The following GRK5 variants were observed in gnomAD, a reference collection of about 807,000 sequenced individuals.
The protein encoded by GRK5 is G protein-coupled receptor kinase 5.
GRK5 carries 40 observed loss-of-function variants against 78.4 expected under a neutral mutation model. The observed-to-expected ratio is 0.51, with a 90% CI of 0.40 to 0.66. The LOEUF (loss-of-function observed/expected upper bound fraction) is 0.66. GRK5 is among the 30% of genes least tolerant of loss of function. The probability of loss-of-function intolerance (pLI) is 0.00; values close to 1 mark genes in which losing one functional copy is unlikely to be tolerated. For missense variants in GRK5, 598 were observed against 759.9 expected, an observed-to-expected ratio of 0.79 and a Z score of 2.50; for synonymous variants, 289 against 296.8, an observed-to-expected ratio of 0.97 and a Z score of 0.27.
chr10:119,251,230 A>G (rs938230116), intron 1 of GRK5, among the ~76,000 whole-genome samples: 1 of 152,210 alleles, frequency 6.6e-6, no homozygotes, highest in Non-Finnish European at 1.5e-5. Flanking sequence ...AATGTGAACC[A>G]TTTGACAGAA....
chr10:119,209,355 AC>A (rs1051280873), intron 1 of GRK5, among the ~76,000 whole-genome samples: 1 of 151,736 alleles, frequency 6.6e-6, no homozygotes, highest in African/African-American at 2.4e-5. Flanking sequence ...TGCTTTGAAA[AC>A]CCCAGCAGAG....
chr10:119,268,159 T>G (rs948051598), intron 1 of GRK5, among the ~76,000 whole-genome samples: 2 of 152,244 alleles, frequency 1.3e-5, no homozygotes, highest in Non-Finnish European at 2.9e-5. Flanking sequence ...GCAGAAATTT[T>G]CTGTATTGGT....
intron 1 of GRK5, among the ~76,000 whole-genome samples, chr10:119,236,365 G>GC (rs1848929075): frequency 1.3e-5 from 2 of 151,404 alleles, no homozygotes; most frequent in Non-Finnish European, 2.9e-5. Context: ...ACAGGCGCCC[G>GC]CACCTCACCT....
intron 4 of GRK5, among the ~76,000 whole-genome samples, chr10:119,407,962 A>G (rs7072777): frequency 1 from 151,693 of 152,174 alleles, 75,608 homozygotes; most frequent in Middle Eastern, 1. Flanking sequence ...TCGGGAGTTC[A>G]AGACCAGCCT....
intron 6 of GRK5, among the ~76,000 whole-genome samples, chr10:119,429,298 G>A (rs552124674): frequency 1.9e-3 from 287 of 152,144 alleles, no homozygotes; most frequent in African/African-American, 6.6e-3. Context: ...AGACTCATTC[G>A]TTCAAGAGCT....
chr10:119,257,861 G>A (rs1253653522), intron 1 of GRK5, among the ~76,000 whole-genome samples: 1 of 152,218 alleles, frequency 6.6e-6, no homozygotes, highest in African/African-American at 2.4e-5. Flanking sequence ...GACAAGGACA[G>A]GATTCTGGCA....
chr10:119,225,452 G>A (rs182290275), intron 1 of GRK5, among the ~76,000 whole-genome samples: 168 of 152,306 alleles, frequency 1.1e-3, no homozygotes, highest in Non-Finnish European at 1.9e-3. Flanking sequence ...TACCTTTTAA[G>A]GCTTGTTGTC....
intron 1 of GRK5, among the ~76,000 whole-genome samples, chr10:119,273,622 C>G (rs2133678150): frequency 6.6e-6 from 1 of 152,276 alleles, no homozygotes; most frequent in Middle Eastern, 3.4e-3. Flanking sequence ...AACTCATCTC[C>G]CCAAGCTTTG....
At chr10:119,265,585 A>C (rs7095989) in intron 1 of GRK5, among the ~76,000 whole-genome samples, 57,995 of 152,030 alleles carry the variant, frequency 0.38, 11,211 homozygotes, top group Admixed American at 0.44. Flanking sequence ...GCACCTAGAT[A>C]TTGGACTTCC....
At chr10:119,307,000 G>A (rs535726711) in intron 1 of GRK5, among the ~76,000 whole-genome samples, 2 of 152,234 alleles carry the variant, frequency 1.3e-5, no homozygotes, top group South Asian at 2.1e-4. Context: ...AGGAGCAGGC[G>A]TGGGTGATCA....
chr10:119,383,160 A>AT (rs1414458615), intron 3 of GRK5, among the ~76,000 whole-genome samples: 2 of 152,260 alleles, frequency 1.3e-5, no homozygotes, highest in Admixed American at 1.3e-4. Context: ...TGACCTCGTG[A>AT]TCCACCCACC....
intron 1 of GRK5, among the ~76,000 whole-genome samples, chr10:119,318,438 C>T (rs1437308227): frequency 3.3e-5 from 5 of 152,178 alleles, no homozygotes; most frequent in Admixed American, 6.5e-5. Context: ...CAGGTCTATC[C>T]CATCCCTCCC....
chr10:119,400,178 C>T (rs1046235821), intron 4 of GRK5, among the ~76,000 whole-genome samples: 1 of 152,194 alleles, frequency 6.6e-6, no homozygotes, highest in Admixed American at 6.5e-5. Context: ...AGGAGCCCAC[C>T]TTCAGAGTAG....
intron 1 of GRK5, among the ~76,000 whole-genome samples, chr10:119,216,738 C>T (rs1033851483): frequency 6.6e-6 from 1 of 152,030 alleles, no homozygotes; most frequent in Non-Finnish European, 1.5e-5. Context: ...GGATCACTTG[C>T]GGTCAGGAGT....
At chr10:119,288,330 C>T (rs1849893200) in intron 1 of GRK5, among the ~76,000 whole-genome samples, 1 of 152,174 alleles carries the variant, frequency 6.6e-6, no homozygotes, top group South Asian at 2.1e-4. Flanking sequence ...GGGCTCCAAG[C>T]ACCCGAACAT....
intron 1 of GRK5, among the ~76,000 whole-genome samples, chr10:119,226,822 A>C (rs1848749085): frequency 6.6e-6 from 1 of 151,098 alleles, no homozygotes; most frequent in African/African-American, 2.4e-5. Context: ...TCAGCCTCCC[A>C]AAGTGCTGGG....
chr10:119,390,967 CCA>C (rs1851879988), intron 3 of GRK5, among the ~76,000 whole-genome samples: 1 of 152,216 alleles, frequency 6.6e-6, no homozygotes, highest in African/African-American at 2.4e-5. Flanking sequence ...CCTGTCCCCT[CCA>C]CCACGTGGAG....
intron 1 of GRK5, among the ~76,000 whole-genome samples, chr10:119,258,111 C>T (rs1186496142): frequency 1.3e-5 from 2 of 152,162 alleles, no homozygotes; most frequent in Admixed American, 6.5e-5. Flanking sequence ...CCCAGACTCC[C>T]TTGTAGTTAC....
At position 119,385,252 on chromosome 10, in the gene GRK5, G is replaced by GTTTTA. The variant is rs138077941; in HGVS notation, c.261+4349_261+4353dup. On this transcript the variant is annotated intron_variant, in intron 3 of 15. Transcript: ENST00000392870. ...GAGCAGTGGCATGGTCTGACTTGGG[G>GTTTTA]TTTTATTTTATTTTATTTTATTTTA... 4.7e-3 allele frequency among the ~76,000 whole-genome samples: 711 copies of GTTTTA among 151,466 alleles called. 7 individuals are homozygous for GTTTTA. The highest frequency in any genetic ancestry group is 0.012 in the African/African-American group (502 of 41,094).
Sources: gnomAD v4.1 joint callset for allele counts (sites outside exome capture counted in the v4.1 genomes callset) on GRCh38, gnomAD v4.1.1 for gene constraint, MANE v1.5 for transcripts, NCBI Gene and HGNC (gene_info 2026-07-23, HGNC 2026-07-21) for gene names.